DIS3L2: variants seen among roughly 807,000 people sequenced by gnomAD.
DIS3L2 encodes DIS3-like exonuclease 2.
A neutral mutation model predicts 97.5 loss-of-function variants in DIS3L2; 34 were observed. The observed-to-expected ratio is 0.35, with a 90% CI of 0.27 to 0.46. The LOEUF (loss-of-function observed/expected upper bound fraction) is 0.46. Ranked by LOEUF, DIS3L2 falls within the 20% of genes least tolerant of loss-of-function variation. The pLI is 1.00. For missense variants in DIS3L2, 1,038 were observed against 1,146.0 expected, an observed-to-expected ratio of 0.91 and a Z score of 1.36; for synonymous variants, 435 against 445.2, an observed-to-expected ratio of 0.98 and a Z score of 0.29.
At chr2:231,965,058 ATAGTCT>A (rs1249599374) in intron 1 of DIS3L2, among the ~76,000 whole-genome samples, 6 of 152,206 alleles carry the variant, frequency 3.9e-5, no homozygotes, top group Non-Finnish European at 8.8e-5. Flanking sequence ...TTTCTTTCAA[ATAGTCT>A]TAGTACAAAT....
chr2:232,329,785 T>TCCCCGGGGGGCAC, intron 14 of DIS3L2, 28 bp from the exon 15 acceptor site: 1 of 967,142 alleles, frequency 1.0e-6, no homozygotes, highest in Non-Finnish European at 1.5e-6. Context: ...ACCCCAGCGG[T>TCCCCGGGGGGCAC]CCCTCCCATC....
chr2:232,019,181 T>C (rs969669534), intron 3 of DIS3L2, among the ~76,000 whole-genome samples: 1 of 152,198 alleles, frequency 6.6e-6, no homozygotes, highest in South Asian at 2.1e-4. Flanking sequence ...GAAGTTGTTA[T>C]TGGCTCTCTG....
intron 5 of DIS3L2, among the ~76,000 whole-genome samples, chr2:232,036,997 GGGTCAGGGAC>G (rs1445433950): frequency 1.3e-5 from 2 of 152,228 alleles, no homozygotes; most frequent in Non-Finnish European, 2.9e-5. Flanking sequence ...GGAGGCACAG[GGGTCAGGGAC>G]CCACTTGAGG....
chr2:232,220,400 A>G (rs116744210), intron 10 of DIS3L2, among the ~76,000 whole-genome samples: 1,581 of 152,216 alleles, frequency 0.01, 36 homozygotes, highest in African/African-American at 0.036. Flanking sequence ...GTGCTCACCT[A>G]TAAGTTGGGA....
chr2:232,106,424 A>G (rs1396269238), intron 6 of DIS3L2, among the ~76,000 whole-genome samples: 2 of 152,250 alleles, frequency 1.3e-5, no homozygotes, highest in Non-Finnish European at 2.9e-5. Flanking sequence ...CCAGTTTCCA[A>G]CAAAACAGAC....
At chr2:232,247,643 G>GGGGA (rs1693298399) in intron 11 of DIS3L2, among the ~76,000 whole-genome samples, 2 of 53,836 alleles carry the variant, frequency 3.7e-5, no homozygotes, top group African/African-American at 1.2e-4. Flanking sequence ...GGGCGGGGGG[G>GGGGA]AGGGTGCCAA....
At chr2:232,204,105 A>G (rs1559732271) in intron 9 of DIS3L2, among the ~76,000 whole-genome samples, 1 of 152,196 alleles carries the variant, frequency 6.6e-6, no homozygotes, top group Non-Finnish European at 1.5e-5. Flanking sequence ...ATCTGGCAGC[A>G]TCTGCGACCT....
intron 5 of DIS3L2, among the ~76,000 whole-genome samples, chr2:232,047,159 A>G (rs750434505): frequency 2.0e-5 from 3 of 152,248 alleles, no homozygotes; most frequent in Non-Finnish European, 4.4e-5. Flanking sequence ...GAATATTGCA[A>G]AGTTATTTCA....
chr2:232,039,284 C>CAA (rs1695042760), intron 5 of DIS3L2, among the ~76,000 whole-genome samples: 1 of 152,102 alleles, frequency 6.6e-6, no homozygotes, highest in Non-Finnish European at 1.5e-5. Context: ...GAATCCCTGA[C>CAA]GTCTAGAATA....
chr2:232,010,328 A>G (rs1694162808), intron 1 of DIS3L2, among the ~76,000 whole-genome samples: 1 of 151,206 alleles, frequency 6.6e-6, no homozygotes, highest in Admixed American at 6.6e-5. Flanking sequence ...CTCATTTTTG[A>G]ACATTTAAAT....
chr2:232,128,113 G>A (rs1204609940), intron 6 of DIS3L2, among the ~76,000 whole-genome samples: 5 of 151,792 alleles, frequency 3.3e-5, no homozygotes, highest in Admixed American at 1.3e-4. Context: ...ATCACACCTG[G>A]TGGATTTTTT....
chr2:232,309,826 T>C (rs10197887), intron 14 of DIS3L2, among the ~76,000 whole-genome samples: 29,398 of 152,136 alleles, frequency 0.19, 4,217 homozygotes, highest in East Asian at 0.43. Flanking sequence ...GCACTTGCAG[T>C]TGGGGACATT....
At chr2:232,064,266 T>G (rs576314229) in intron 5 of DIS3L2, among the ~76,000 whole-genome samples, 16 of 152,324 alleles carry the variant, frequency 1.1e-4, no homozygotes, top group African/African-American at 3.6e-4. Context: ...ACCACTGATC[T>G]GTTTTGCATC....
At chr2:232,330,866 C>G in intron 16 of DIS3L2, 90 bp downstream of exon 16, 1 of 1,296,976 alleles carries the variant, frequency 7.7e-7, no homozygotes, top group Non-Finnish European at 1.1e-6. Flanking sequence ...AGGCCCCCAC[C>G]GTTCCTGCCT....
At chr2:232,241,738 TCA>T (rs1403473800) in intron 11 of DIS3L2, among the ~76,000 whole-genome samples, 1 of 152,240 alleles carries the variant, frequency 6.6e-6, no homozygotes, top group African/African-American at 2.4e-5. Context: ...CAACATTTGC[TCA>T]GTTAATGCCT....
chr2:232,275,109 C>G (rs1272483152), intron 13 of DIS3L2, among the ~76,000 whole-genome samples: 1 of 152,098 alleles, frequency 6.6e-6, no homozygotes, highest in South Asian at 2.1e-4. Flanking sequence ...ATTTGATCCC[C>G]GCAACCCTAC....
chr2:232,255,414 G>A (rs1325479654), intron 12 of DIS3L2, among the ~76,000 whole-genome samples: 1 of 152,150 alleles, frequency 6.6e-6, no homozygotes, highest in Non-Finnish European at 1.5e-5. Flanking sequence ...TTAGTCTATT[G>A]GAATGGCTTA....
chr2:232,334,324 C>T, intron 17 of DIS3L2, 45 bp from the exon 18 acceptor site: 1 of 1,601,346 alleles, frequency 6.2e-7, no homozygotes, highest in Non-Finnish European at 8.5e-7. Flanking sequence ...TAGCTCTTCC[C>T]AGCCCCCCAG....
At chr2:232,260,023 G>A (rs1693675351) in intron 12 of DIS3L2, 1 of 152,280 alleles carries the variant, frequency 6.6e-6, no homozygotes, top group Admixed American at 6.5e-5. Context: ...CTGTGCTGGA[G>A]CATTCACTAG....
Sources: allele counts gnomAD v4.1 joint callset (sites outside exome capture counted in the v4.1 genomes callset), GRCh38; gene constraint gnomAD v4.1.1; transcripts MANE v1.5; gene names NCBI Gene and HGNC (gene_info 2026-07-23, HGNC 2026-07-21).